The following HTR2C variants were observed in gnomAD, a reference collection of about 807,000 sequenced individuals.
HTR2C encodes 5-hydroxytryptamine receptor 2C.
In HTR2C, 5 loss-of-function variants were observed where a neutral mutation model predicts 21.0. The ratio of observed to expected loss-of-function variants is 0.24; its 90% CI spans 0.12 to 0.50. The LOEUF is 0.50. HTR2C is among the 20% of genes least tolerant of loss of function. The probability of loss-of-function intolerance (pLI) is 0.98; values close to 1 mark genes in which losing one functional copy is unlikely to be tolerated. For missense variants in HTR2C, 271 were observed against 371.2 expected (o/e 0.73, Z 2.22); for synonymous variants, 150 against 145.3 (o/e 1.03, Z -0.23).
intron 2 of HTR2C, among the ~76,000 whole-genome samples, chrX:114,650,215 GTCCA>G (rs1930508248): frequency 1.8e-5 from 2 of 111,654 alleles, no homozygotes; most frequent in South Asian, 7.6e-4. Flanking sequence ...AAATTCCCAA[GTCCA>G]ATTTGCAGAT....
chrX:114,888,993 C>G (rs1556482279), intron 5 of HTR2C, among the ~76,000 whole-genome samples: 1 of 111,966 alleles, frequency 8.9e-6, no homozygotes, highest in Non-Finnish European at 1.9e-5. Flanking sequence ...CTGATTACTT[C>G]TTTTCCTATG....
chrX:114,885,128 A>G (rs781807816), intron 5 of HTR2C, among the ~76,000 whole-genome samples: 1 of 111,472 alleles, frequency 9.0e-6, no homozygotes, highest in South Asian at 3.8e-4. Context: ...CACTCATGAC[A>G]TGAGTTTACC....
intron 2 of HTR2C, among the ~76,000 whole-genome samples, chrX:114,704,449 A>G (rs781856535): frequency 4.4e-4 from 49 of 111,928 alleles, no homozygotes; most frequent in African/African-American, 1.5e-3. Flanking sequence ...ACGGAACCAA[A>G]GTCAAAAACC....
chrX:114,701,017 G>A (rs1211801307), intron 2 of HTR2C, among the ~76,000 whole-genome samples: 4 of 112,390 alleles, frequency 3.6e-5, no homozygotes, highest in Middle Eastern at 4.6e-3. Flanking sequence ...AGGGGCGACC[G>A]CCATTGCCCA....
intron 1 of HTR2C, among the ~76,000 whole-genome samples, chrX:114,601,657 C>T (rs1928097566): frequency 9.1e-6 from 1 of 109,606 alleles, no homozygotes; most frequent in Non-Finnish European, 1.9e-5. Context: ...TACTTCAGGC[C>T]ATCTGGATGT....
intron 4 of HTR2C, among the ~76,000 whole-genome samples, chrX:114,735,838 G>T (rs919653074): frequency 3.6e-5 from 4 of 111,597 alleles, no homozygotes; most frequent in Non-Finnish European, 7.5e-5. Context: ...AATAAGGCTG[G>T]GCGTGGTGGC....
intron 2 of HTR2C, among the ~76,000 whole-genome samples, chrX:114,718,242 T>TC (rs1933052503): frequency 2.7e-5 from 1 of 36,629 alleles, no homozygotes; most frequent in Non-Finnish European, 6.9e-5. Flanking sequence ...CCCATAGTTT[T>TC]TAACTTATTT....
At chrX:114,810,151 G>A (rs1251272430) in intron 4 of HTR2C, among the ~76,000 whole-genome samples, 1 of 111,573 alleles carries the variant, frequency 9.0e-6, no homozygotes, top group African/African-American at 3.3e-5. Flanking sequence ...TATCCAGATT[G>A]CAGGACAAAG....
intron 2 of HTR2C, among the ~76,000 whole-genome samples, chrX:114,616,062 C>T (rs1481057251): frequency 4.5e-5 from 5 of 110,817 alleles, no homozygotes; most frequent in Admixed American, 3.9e-4. Context: ...ATATCAGTGA[C>T]ATGAAAAAGA....
intron 2 of HTR2C, among the ~76,000 whole-genome samples, chrX:114,619,201 C>G (rs182543301): frequency 9.0e-6 from 1 of 110,915 alleles, no homozygotes; most frequent in African/African-American, 3.3e-5. Context: ...CCTTATCCCC[C>G]GTAATGAATT....
At chrX:114,715,888 C>T (rs1200977130) in intron 2 of HTR2C, among the ~76,000 whole-genome samples, 3 of 112,336 alleles carry the variant, frequency 2.7e-5, no homozygotes, top group African/African-American at 9.7e-5. Context: ...TCCATTGGAG[C>T]AGGGGCCTGG....
chrX:114,645,740 G>A (rs1282819366), intron 2 of HTR2C, among the ~76,000 whole-genome samples: 1 of 111,581 alleles, frequency 9.0e-6, no homozygotes, highest in African/African-American at 3.3e-5. Flanking sequence ...TGCAAGTTCA[G>A]GGCAATAAAT....
chrX:114,783,932 T>A (rs2147404224), intron 4 of HTR2C, among the ~76,000 whole-genome samples: 1 of 109,631 alleles, frequency 9.1e-6, no homozygotes, highest in African/African-American at 3.3e-5. Flanking sequence ...TCTAAAGCAG[T>A]GTTTAAAGCA....
intron 4 of HTR2C, among the ~76,000 whole-genome samples, chrX:114,791,007 A>G (rs782698015): frequency 6.3e-5 from 7 of 111,968 alleles, no homozygotes; most frequent in Non-Finnish European, 1.3e-4. Context: ...CCAAAAAAAA[A>G]AAAGAAAAGC....
chrX:114,833,073 T>G (rs782773988), intron 4 of HTR2C, among the ~76,000 whole-genome samples: 78 of 89,091 alleles, frequency 8.8e-4, no homozygotes, highest in African/African-American at 2.8e-3. Flanking sequence ...GTGGATAAGC[T>G]TTTTGATGTG....
chrX:114,630,189 G>A (rs781877088), intron 2 of HTR2C, among the ~76,000 whole-genome samples: 1 of 111,626 alleles, frequency 9.0e-6, no homozygotes, highest in African/African-American at 3.2e-5. Context: ...GGAAATATTA[G>A]GCAATTTAAA....
chrX:114,775,049 A>T (rs1251742244), intron 4 of HTR2C: 1 of 482,200 alleles, frequency 2.1e-6, no homozygotes, highest in Non-Finnish European at 3.8e-6. Flanking sequence ...ACTTCATTAA[A>T]CTTGTCCAGA....
At chrX:114,784,485 C>G (rs1328914148) in intron 4 of HTR2C, among the ~76,000 whole-genome samples, 1 of 110,392 alleles carries the variant, frequency 9.1e-6, no homozygotes, top group Non-Finnish European at 1.9e-5. Flanking sequence ...TTGGTTCTTT[C>G]TGGAGTGTCT....
At chrX:114,630,930 G>C in intron 2 of HTR2C, 1 of 343,836 alleles carries the variant, frequency 2.9e-6, no homozygotes, top group Non-Finnish European at 5.7e-6. Flanking sequence ...CATATCTCCT[G>C]GGTCCTATGA....
Sources: gnomAD v4.1 joint callset for allele counts (sites outside exome capture counted in the v4.1 genomes callset) on GRCh38, gnomAD v4.1.1 for gene constraint, MANE v1.5 for transcripts, NCBI Gene and HGNC (gene_info 2026-07-23, HGNC 2026-07-21) for gene names.